Variants in CRAT observed in about 807,000 individuals in gnomAD.
CRAT encodes the protein carnitine O-acetyltransferase.
In CRAT, 66 loss-of-function variants were observed where a neutral mutation model predicts 73.7. That is an observed-to-expected ratio of 0.90 (90% confidence interval 0.73 to 1.10). CRAT has a LOEUF of 1.10. Ranked by LOEUF, CRAT falls within the 50% of genes least tolerant of loss-of-function variation. The probability of loss-of-function intolerance (pLI) is 0.00; values close to 1 mark genes in which losing one functional copy is unlikely to be tolerated. For missense variants in CRAT, 745 were observed against 846.9 expected (o/e 0.88, Z 1.49); for synonymous variants, 321 against 343.2 (o/e 0.94, Z 0.71).
intron 1 of CRAT, chr9:129,108,477 C>T (rs1046375025): frequency 6.9e-6 from 8 of 1,164,298 alleles, no homozygotes; most frequent in Admixed American, 4.3e-5. Context: ...TTTTCTCCCA[C>T]CCTTTCCAGG....
chr9:129,109,134 G>A, intron 1 of CRAT: 1 of 1,303,870 alleles, frequency 7.7e-7, no homozygotes, highest in South Asian at 1.2e-5. Context: ...TCTCTGCATG[G>A]GCTCAGTGCC....
rs749095589 is a variant in CRAT, at chr9:129,103,556, G to A, written c.411-490C>T. On this transcript the variant is annotated intron_variant, in intron 3 of 13. Transcript: ENST00000318080. This position sits in a 1 kb window ranked among gnomAD's most constrained non-coding sequence, Gnocchi z 4.6. ...TCTGGGCCTCTGTGTCCCCCAGGCC[G>A]CCTTCCTCCCAGGGCTGTCTGGCCC... 2.6e-5 allele frequency among the ~76,000 whole-genome samples: 4 copies of A among 152,120 alleles called. No homozygotes were observed. Among genetic ancestry groups the A allele is most frequent in the South Asian group, 2.1e-4 (1 of 4,830 alleles).
Position 129,102,387 on chromosome 9 carries a change from G to GGCCC in CRAT, c.630+12_630+13insGGGC, listed in dbSNP as rs769663946. On this transcript the variant is annotated intron_variant, in intron 5 of 13. Coordinates refer to ENST00000318080, the MANE Select transcript of CRAT (RefSeq NM_000755.5). Reference sequence around the variant, plus strand: ...AGGGCCGGGGCTTGTAGGTGTGGGTGGGGGCCACCCACCTGGTAGTTGTGT... The same window carrying GGCCC: ...AGGGCCGGGGCTTGTAGGTGTGGGTGGCCCGGGGCCACCCACCTGGTAGTTGTGT... The GGCCC allele has an allele frequency of 6.2e-7, 1 of 1,613,856 alleles. No individual in the cohort carries two copies. Among genetic ancestry groups the GGCCC allele is most frequent in the African/African-American group, 1.3e-5 (1 of 74,946 alleles).
rs1444936802 is a variant in CRAT at position 129,104,992 on chromosome 9, C to T, written c.292-686G>A. On this transcript the variant is annotated intron_variant, in intron 2 of 13. Transcript: ENST00000318080. ...CTCGGCTCACTGCAAGCTCCACCTC[C>T]TGGGTTCACGCCATTCTCCTGCCTC... Among the ~76,000 whole-genome samples the T allele has an allele frequency of 2.7e-5, 4 of 150,490 alleles. No homozygotes were observed. In the East Asian group the frequency reaches 5.9e-4, roughly 22 times the overall value.
Position 129,098,557 on chromosome 9 carries a change from G to T in CRAT, c.1179C>A (p.Ile393=). 1 of 1,607,672 alleles carries T rather than the reference G, an allele frequency of 6.2e-7. No homozygotes were observed. The highest frequency in any genetic ancestry group is 8.5e-7 in the Non-Finnish European group (1 of 1,178,168). ...FNITPEIKSD[I]EKAKQNLSIM... ...TGCTGAGGTTCTGCTTGGCCTTCTCGATGTCGCTCTTGATCTCGGGGGTGA... is the reference window on the plus strand; with the variant it reads ...TGCTGAGGTTCTGCTTGGCCTTCTCTATGTCGCTCTTGATCTCGGGGGTGA... Residue 393 remains isoleucine, a synonymous_variant, in exon 9 of 14, where the codon ATC becomes ATA. Coordinates refer to ENST00000318080, the MANE Select transcript of CRAT (RefSeq NM_000755.5).
At chr9:129,109,112 TCTTTC>T in intron 1 of CRAT, 1 of 1,300,506 alleles carries the variant, frequency 7.7e-7, no homozygotes, top group Non-Finnish European at 1.0e-6. Flanking sequence ...CCTGGAAAGT[TCTTTC>T]CTTTCTTCTC....
At position 129,107,669 on chromosome 9, in the gene CRAT, C is replaced by G. The variant is rs1303972529; in HGVS notation, c.291+145G>C. 1.7e-6 allele frequency: 2 copies of G among 1,164,096 alleles called. No homozygotes were observed. Among genetic ancestry groups the G allele is most frequent in the Admixed American group, 2.0e-5 (1 of 51,136 alleles). The allele number at this position is 1,164,096 out of a possible 1,614,324, so 72.1% of individuals were successfully genotyped here. On this transcript the variant is annotated intron_variant, in intron 2 of 13. Transcript: ENST00000318080. This position sits in a 1 kb window ranked among gnomAD's most constrained non-coding sequence, Gnocchi z 5.0. ...CTGGTGACTGTGTCCTTCTTGATCACCCAGCACCCTGCCAAGTGCCAGACA... is the reference window on the plus strand; with the variant it reads ...CTGGTGACTGTGTCCTTCTTGATCAGCCAGCACCCTGCCAAGTGCCAGACA...
chr9:129,096,119 G>C lies in CRAT; in HGVS notation c.1544C>G (p.Ala515Gly), dbSNP rs760553097. 8 of 1,613,388 alleles carry C rather than the reference G, an allele frequency of 5.0e-6. No homozygotes were observed. The Middle Eastern group carries it at 8.4e-4, about 170-fold the overall frequency. ...CAGGCCCAGCAGGTGTCGATCAAAGGCCTCCCCGCGGATGGCCTGTTGGGG... is the reference window on the plus strand; with the variant it reads ...CAGGCCCAGCAGGTGTCGATCAAAGCCCTCCCCGCGGATGGCCTGTTGGGG... Reference protein sequence around the residue: ...GYTDRAIRGEAFDRHLLGLKL... With the variant: ...GYTDRAIRGEGFDRHLLGLKL... The change falls in exon 13 of 14, where the codon GCC (alanine) becomes GGC (glycine). Residue 515 changes from alanine to glycine, a missense_variant. Physicochemically the swap from Ala to Gly is moderately conservative, Grantham distance 60. Transcript: ENST00000318080.
At position 129,107,937 on chromosome 9, in the gene CRAT, G is replaced by A; in HGVS notation, c.168C>T (p.Pro56=). The stretch of plus-strand genomic sequence containing the variant: ...GGGCCCACTCCTCCTCACTCACGAT[G>A]GGCTGCAGCGCCTTCAGGTAGTGGT... The part of the protein sequence containing the change: ...SLDHYLKALQ[P]IVSEEEWAHT... Residue 56 remains proline, a synonymous_variant, in exon 2 of 14, where the codon CCC becomes CCT. Transcript: ENST00000318080. The surrounding 1 kb of genome is among the most constrained non-coding windows in gnomAD (Gnocchi z 5.0). 6.2e-7 allele frequency: 1 copy of A among 1,609,572 alleles called. No homozygotes were observed. Among genetic ancestry groups the A allele is most frequent in the Non-Finnish European group, 8.5e-7 (1 of 1,179,734 alleles).
rs1438652981 is a variant in CRAT, at chr9:129,095,553, A to AC, written c.1724dup (p.Val576CysfsTer4). Reference sequence around the variant, plus strand: ...GGGCCTCCATGGGGTTATAGCAGACACCGTAGCCGTCGGGGACCACGGGCC... The same window carrying AC: ...GGGCCTCCATGGGGTTATAGCAGACACCCGTAGCCGTCGGGGACCACGGGCC... On this transcript the variant is annotated frameshift_variant, in exon 14 of 14. Coordinates refer to ENST00000318080, the MANE Select transcript of CRAT (RefSeq NM_000755.5). LOFTEE classifies it high-confidence loss of function. 1.2e-6 allele frequency: 2 copies of AC among 1,613,280 alleles called. No individual in the cohort carries two copies. The highest frequency in any genetic ancestry group is 2.7e-5 in the African/African-American group (2 of 74,900).
intron 5 of CRAT, 130 bp downstream of exon 5, chr9:129,102,270 C>T: frequency 2.9e-6 from 4 of 1,376,902 alleles, no homozygotes; most frequent in Non-Finnish European, 4.0e-6. Flanking sequence ...ATGGAGAAGC[C>T]AGGGGCGCCC....
At chr9:129,108,431 G>A (rs1848155762) in intron 1 of CRAT, 1 of 1,179,096 alleles carries the variant, frequency 8.5e-7, no homozygotes, top group Non-Finnish European at 1.1e-6. Context: ...CCAGCCAGCA[G>A]AGTGGTGACT....
intron 7 of CRAT, 31 bp downstream of exon 7, chr9:129,100,480 T>A: frequency 1.9e-6 from 3 of 1,597,548 alleles, no homozygotes; most frequent in Non-Finnish European, 2.6e-6. Flanking sequence ...TTCAGGTGTG[T>A]GTGAGTGGGC....
At chr9:129,102,293 C>A in intron 5 of CRAT, 107 bp downstream of exon 5, 1 of 1,475,750 alleles carries the variant, frequency 6.8e-7, no homozygotes, top group African/African-American at 1.4e-5. Flanking sequence ...TCCTGGGGCA[C>A]GTGGGCACGT....
At chr9:129,100,100 A>T in intron 7 of CRAT, 134 bp from the exon 8 acceptor site, 1 of 647,102 alleles carries the variant, frequency 1.5e-6, no homozygotes, top group South Asian at 1.9e-5. Context: ...TACTGTTATT[A>T]ACAATAGCTG....
Position 129,102,560 on chromosome 9 carries a change from G to A in CRAT, c.470C>T (p.Thr157Ile). ...CCCCCCCAGGTACTCCACGGGCAGGGTCTCGCTATGGGGTAGAGGGGCAGT... is the reference window on the plus strand; with the variant it reads ...CCCCCCCAGGTACTCCACGGGCAGGATCTCGCTATGGGGTAGAGGGGCAGT... The part of the protein sequence containing the change: ...LDFKVMIDNE[T>I]LPVEYLGGKP... The change falls in exon 5 of 14, where the codon ACC (threonine) becomes ATC (isoleucine). Residue 157 changes from threonine to isoleucine, a missense_variant. Physicochemically the swap from Thr to Ile is moderately conservative, Grantham distance 89. Coordinates refer to ENST00000318080, the MANE Select transcript of CRAT (RefSeq NM_000755.5). 1 of 1,614,064 alleles carries A rather than the reference G, an allele frequency of 6.2e-7. No homozygotes were observed. The highest frequency in any genetic ancestry group is 8.5e-7 in the Non-Finnish European group (1 of 1,179,994).
Position 129,095,204 on chromosome 9 carries a change from C to T in CRAT, c.*193G>A. Reference sequence around the variant, plus strand: ...GCCCCAGGTCGGGCCCTGGCAGGTGCTGGGATGACCCACGGAAGGCACTTG... The same window carrying T: ...GCCCCAGGTCGGGCCCTGGCAGGTGTTGGGATGACCCACGGAAGGCACTTG... On this transcript the variant is annotated 3_prime_UTR_variant, in exon 14 of 14. Transcript: ENST00000318080. 1.6e-6 allele frequency: 1 copy of T among 644,322 alleles called. No individual in the cohort carries two copies. Among genetic ancestry groups the T allele is most frequent in the Non-Finnish European group, 2.6e-6 (1 of 377,598 alleles). 39.9% of individuals were successfully genotyped at this position (644,322 alleles called of 1,614,324 possible).
At position 129,097,301 on chromosome 9, in the gene CRAT, C is replaced by T; in HGVS notation, c.1476G>A (p.Lys492=). The T allele has an allele frequency of 2.6e-6, 4 of 1,566,492 alleles. No homozygotes were observed. Among genetic ancestry groups the T allele is most frequent in the East Asian group, 4.6e-5 (2 of 43,086 alleles). The change falls in exon 12 of 14, where the codon AAG becomes AAA. Residue 492 remains lysine, a synonymous_variant. Coordinates refer to ENST00000318080, the MANE Select transcript of CRAT (RefSeq NM_000755.5). ...GCACGGCCTTCCGCAGCAGCTCCAC[C>T]TTCTGGTGCTCCTAGAGTGGTGAGG... ...MDDSSVTEHQ[K]VELLRKAVQA... is the part of the protein sequence containing the mutation.
chr9:129,108,507 A>G (rs955928392), intron 1 of CRAT: 73 of 1,164,006 alleles, frequency 6.3e-5, no homozygotes, highest in Non-Finnish European at 7.3e-5. Flanking sequence ...AGAAGGGAAG[A>G]AGAGAGAATC....
Sources: allele counts gnomAD v4.1 joint callset (sites outside exome capture counted in the v4.1 genomes callset), GRCh38; gene constraint gnomAD v4.1.1; non-coding constraint Gnocchi (gnomAD v3.1); transcripts MANE v1.5; gene names NCBI Gene and HGNC (gene_info 2026-07-23, HGNC 2026-07-21).